Variants in VAC14 observed in about 807,000 individuals in gnomAD.
VAC14 encodes the protein VAC14 component of PIKFYVE complex.
Under a neutral mutation model 85.3 loss-of-function variants are expected in VAC14, and 47 were observed. The observed-to-expected ratio is 0.55, with a 90% CI of 0.44 to 0.70. The LOEUF (loss-of-function observed/expected upper bound fraction) is 0.70, where lower values mean the gene tolerates loss of function less well. VAC14 is among the 30% of genes least tolerant of loss of function. The pLI, the probability that VAC14 is intolerant of heterozygous loss-of-function variation, is 0.00. For missense variants in VAC14, 861 were observed against 1,004.3 expected, an observed-to-expected ratio of 0.86 and a Z score of 1.93; for synonymous variants, 447 against 430.5, an observed-to-expected ratio of 1.04 and a Z score of -0.47.
chr16:70,720,721 C>A (rs903884848), intron 14 of VAC14, among the ~76,000 whole-genome samples: 1 of 152,200 alleles, frequency 6.6e-6, no homozygotes, highest in African/African-American at 2.4e-5. Flanking sequence ...GTGCCACAAT[C>A]AGGTGGAAGC....
chr16:70,778,072 A>G (rs1226999640), intron 9 of VAC14, among the ~76,000 whole-genome samples: 2 of 152,224 alleles, frequency 1.3e-5, no homozygotes, highest in African/African-American at 4.8e-5. Flanking sequence ...TGAGCTTTTC[A>G]TCTGCTGAAA....
intron 14 of VAC14, among the ~76,000 whole-genome samples, chr16:70,707,227 C>G (rs1378740421): frequency 6.6e-6 from 1 of 152,258 alleles, no homozygotes; most frequent in Non-Finnish European, 1.5e-5. Context: ...CAATCCTCGG[C>G]AGTGTGCCCC....
chr16:70,728,566 C>T (rs2054497014), intron 14 of VAC14, among the ~76,000 whole-genome samples: 1 of 152,218 alleles, frequency 6.6e-6, no homozygotes, highest in Non-Finnish European at 1.5e-5. Context: ...GGCTGGCCTC[C>T]AGCTTCACAG....
intron 1 of VAC14, among the ~76,000 whole-genome samples, chr16:70,797,670 G>C (rs946250717): frequency 3.3e-5 from 5 of 152,230 alleles, no homozygotes; most frequent in African/African-American, 1.2e-4. Flanking sequence ...GTAGTTCCCA[G>C]TGTTGGAGAT....
rs760038451 is a variant in VAC14 at position 70,772,140 on chromosome 16, T to G, written c.1129A>C (p.Ser377Arg). Residue 377 changes from serine (S) to arginine (R), a missense_variant, in exon 10 of 19, where the codon AGT becomes CGT. Ser to Arg is a moderately radical substitution (Grantham distance 110). Transcript: ENST00000261776. ...GPDGSCDSSF[S>R]SGISVFTAAS... Reference sequence around the variant, plus strand: ...GCAGTGAAGACACTGATGCCGCTACTGAAGCTGGAGTCACAGGAACCATCT... The same window carrying G: ...GCAGTGAAGACACTGATGCCGCTACGGAAGCTGGAGTCACAGGAACCATCT... 6.2e-7 allele frequency: 1 copy of G among 1,613,976 alleles called. No individual in the cohort carries two copies. Among genetic ancestry groups the G allele is most frequent in the African/African-American group, 1.3e-5 (1 of 74,908 alleles).
chr16:70,688,242 G>A, intron 18 of VAC14, 152 bp from the exon 19 acceptor site: 2 of 1,276,580 alleles, frequency 1.6e-6, no homozygotes, highest in Non-Finnish European at 2.0e-6. Context: ...CGTCATGGCG[G>A]GCCCCAGAGC....
At chr16:70,737,087 G>A (rs766491643) in intron 13 of VAC14, among the ~76,000 whole-genome samples, 1 of 152,228 alleles carries the variant, frequency 6.6e-6, no homozygotes, top group African/African-American at 2.4e-5. Context: ...GATGGGTGGA[G>A]AGAGAACAAG....
At chr16:70,722,924 T>TA (rs1251138522) in intron 14 of VAC14, among the ~76,000 whole-genome samples, 1 of 151,752 alleles carries the variant, frequency 6.6e-6, no homozygotes, top group Non-Finnish European at 1.5e-5. Flanking sequence ...TACAACAAAA[T>TA]AAAAAATGTA....
chr16:70,729,699 G>A (rs1454349418), intron 14 of VAC14, among the ~76,000 whole-genome samples: 1 of 151,936 alleles, frequency 6.6e-6, no homozygotes, highest in African/African-American at 2.4e-5. Context: ...AACACGTAGG[G>A]TTCAGCCTCA....
intron 1 of VAC14, among the ~76,000 whole-genome samples, chr16:70,796,828 T>A (rs2034565974): frequency 6.6e-6 from 1 of 152,228 alleles, no homozygotes; most frequent in African/African-American, 2.4e-5. Flanking sequence ...GAAGTTCTGA[T>A]CCACAGTGTG....
At position 70,800,838 on chromosome 16, in the gene VAC14, C is replaced by T. The variant is rs143063911; in HGVS notation, c.63G>A (p.Lys21=). ...CTGCCACCTTCCGCTTTTCGTACAGCTTGTCATTGAGGGCGCGCACGATGT... is the reference window on the plus strand; with the variant it reads ...CTGCCACCTTCCGCTTTTCGTACAGTTTGTCATTGAGGGCGCGCACGATGT... ...TPNIVRALND[K]LYEKRKVAAL... The change falls in exon 1 of 19, where the codon AAG becomes AAA. Residue 21 remains lysine (K), a synonymous_variant. Coordinates refer to ENST00000261776, the MANE Select transcript of VAC14 (RefSeq NM_018052.5). 1.9e-4 allele frequency: 304 copies of T among 1,609,696 alleles called. No individual in the cohort carries two copies. The African/African-American group carries it at 3.1e-3, about 17-fold the overall frequency.
chr16:70,779,217 T>A (rs1380141532), intron 9 of VAC14: 1 of 152,258 alleles, frequency 6.6e-6, no homozygotes, highest in Non-Finnish European at 1.5e-5. Flanking sequence ...GGACAGCTGC[T>A]GGATTTTACC....
At chr16:70,794,300 C>A (rs1392880788) in intron 1 of VAC14, among the ~76,000 whole-genome samples, 1 of 152,190 alleles carries the variant, frequency 6.6e-6, no homozygotes. Context: ...CCCATTCCCC[C>A]GCGCCCTAGG....
intron 14 of VAC14, among the ~76,000 whole-genome samples, chr16:70,720,911 A>G (rs995297268): frequency 2.6e-5 from 4 of 151,956 alleles, no homozygotes; most frequent in Non-Finnish European, 4.4e-5. Context: ...AAAGTGAGAG[A>G]CGGGGCTCAA....
chr16:70,755,256 G>A, intron 12 of VAC14: 1 of 332,742 alleles, frequency 3.0e-6, no homozygotes, highest in South Asian at 2.2e-5. Context: ...CCAGGTCAGT[G>A]AGCAGCCAGG....
intron 18 of VAC14, chr16:70,692,146 G>A (rs1253498463): frequency 7.3e-6 from 7 of 957,486 alleles, no homozygotes; most frequent in Non-Finnish European, 8.7e-6. Context: ...TACAGGCTCT[G>A]GGGTAGGGGC....
Position 70,722,952 on chromosome 16 carries a change from A to T in VAC14, c.1661+8543T>A, listed in dbSNP as rs541217859. Among the ~76,000 whole-genome samples the T allele has an allele frequency of 1.1e-4, 16 of 152,276 alleles. 1 individual carries two copies. The East Asian group carries it at 2.1e-3, about 20-fold the overall frequency. On this transcript the variant is annotated intron_variant, in intron 14 of 18. Transcript: ENST00000261776. ...AAAATGTAGCCAGGTGAGGTGGCTC[A>T]TGACTGTAATCTCAGCTCTTTGGGA...
At chr16:70,744,339 A>G in intron 13 of VAC14, 84 bp downstream of exon 13, 1 of 1,562,130 alleles carries the variant, frequency 6.4e-7, no homozygotes, top group South Asian at 1.2e-5. Flanking sequence ...CTGAGCAACA[A>G]CCCAAAGGAC....
At chr16:70,784,883 C>T (rs757035041) in intron 3 of VAC14, 45 bp from the exon 4 acceptor site, 12 of 1,558,556 alleles carry the variant, frequency 7.7e-6, no homozygotes, top group South Asian at 1.1e-5. Context: ...GCGAGGGTCA[C>T]GGTTGGATGC....
Sources: allele counts gnomAD v4.1 joint callset (sites outside exome capture counted in the v4.1 genomes callset), GRCh38; gene constraint gnomAD v4.1.1; transcripts MANE v1.5; gene names NCBI Gene and HGNC (gene_info 2026-07-23, HGNC 2026-07-21).